The following STK3 variants were observed in gnomAD, a reference collection of about 807,000 sequenced individuals.
STK3 encodes serine/threonine kinase 3.
A neutral mutation model predicts 58.0 loss-of-function variants in STK3; 41 were observed. The observed-to-expected ratio is 0.71, with a 90% CI of 0.55 to 0.92. The LOEUF is 0.92. Among genes scored for constraint, STK3 ranks in the 40% least tolerant of loss-of-function variants. The pLI, the probability that STK3 is intolerant of heterozygous loss-of-function variation, is 0.00. For synonymous variants in STK3, 170 were observed against 191.0 expected (o/e 0.89, Z 0.91); for missense variants, 479 against 602.7 (o/e 0.79, Z 2.15).
chr8:98,902,583 A>G, intron 1 of STK3, among the ~76,000 whole-genome samples: 1 of 152,076 alleles, frequency 6.6e-6, no homozygotes, highest in East Asian at 1.9e-4. Context: ...CTCCTCTACA[A>G]TATTTCTTGT....
chr8:98,402,063 C>G (rs2131027428), intron 3 of STK3, among the ~76,000 whole-genome samples: 1 of 152,312 alleles, frequency 6.6e-6, no homozygotes, highest in South Asian at 2.1e-4. Flanking sequence ...TAAGATTATA[C>G]TATCCTTGCT....
intron 10 of STK3, among the ~76,000 whole-genome samples, chr8:98,481,728 A>C (rs549424761): frequency 2.4e-4 from 36 of 152,256 alleles, no homozygotes; most frequent in Admixed American, 2.4e-3. Flanking sequence ...ATTGAAAAAA[A>C]AAAAAAAAAC....
intron 3 of STK3, chr8:98,413,442 G>C (rs1818077848): frequency 8.6e-6 from 5 of 578,924 alleles, no homozygotes; most frequent in Non-Finnish European, 1.7e-5. Context: ...GGGGTCCAGA[G>C]TCTTGTGTAC....
chr8:98,646,151 T>C (rs1009599933), intron 6 of STK3, among the ~76,000 whole-genome samples: 4 of 152,184 alleles, frequency 2.6e-5, no homozygotes, highest in African/African-American at 9.7e-5. Flanking sequence ...ATGACTAAAC[T>C]CTTCAAGGTT....
intron 9 of STK3, among the ~76,000 whole-genome samples, chr8:98,541,284 A>G (rs2131554085): frequency 6.6e-6 from 1 of 152,196 alleles, no homozygotes; most frequent in East Asian, 1.9e-4. Flanking sequence ...GGTAGTTTCT[A>G]ACGGTTTAGC....
At chr8:98,595,925 T>A in intron 7 of STK3, 107 bp downstream of exon 7, 1 of 1,289,370 alleles carries the variant, frequency 7.8e-7, no homozygotes, top group Non-Finnish European at 1.0e-6. Context: ...GGAGGGGAGG[T>A]TTACATCTTT....
intron 4 of STK3, among the ~76,000 whole-genome samples, chr8:98,738,236 A>G (rs1159682057): frequency 1.3e-5 from 2 of 152,136 alleles, no homozygotes; most frequent in Admixed American, 6.6e-5. Context: ...TCAACACTTT[A>G]GATGACCGGG....
At chr8:98,702,577 CAAA>C (rs1825701836) in intron 6 of STK3, among the ~76,000 whole-genome samples, 1 of 152,182 alleles carries the variant, frequency 6.6e-6, no homozygotes, top group South Asian at 2.1e-4. Flanking sequence ...TACTACTTTA[CAAA>C]CAGGCCTGGT....
chr8:98,659,746 CAA>C (rs1268537519), intron 6 of STK3, among the ~76,000 whole-genome samples: 1 of 151,782 alleles, frequency 6.6e-6, no homozygotes, highest in African/African-American at 2.4e-5. Flanking sequence ...TAAAATAACT[CAA>C]AGTTTTCTAG....
At chr8:98,737,475 C>T (rs995674035) in intron 4 of STK3, among the ~76,000 whole-genome samples, 2 of 152,020 alleles carry the variant, frequency 1.3e-5, no homozygotes, top group African/African-American at 4.8e-5. Flanking sequence ...AAAAAAGGTA[C>T]ATGAATAGAA....
At chr8:98,496,215 T>C (rs1823124445) in intron 10 of STK3, among the ~76,000 whole-genome samples, 2 of 152,166 alleles carry the variant, frequency 1.3e-5, no homozygotes, top group African/African-American at 4.8e-5. Flanking sequence ...AAATACAATG[T>C]TGTAAAACTA....
intron 1 of STK3, among the ~76,000 whole-genome samples, chr8:98,934,874 G>A (rs942676422): frequency 1.3e-5 from 2 of 151,364 alleles, no homozygotes; most frequent in African/African-American, 4.8e-5. Flanking sequence ...CTGAGATTGT[G>A]CCACTGCACT....
chr8:98,379,558 C>T (rs964581817), intron 1 of STK3, among the ~76,000 whole-genome samples: 14 of 152,182 alleles, frequency 9.2e-5, no homozygotes, highest in Non-Finnish European at 1.9e-4. Context: ...GAATCCTCCC[C>T]AACCCCACTC....
intron 1 of STK3, among the ~76,000 whole-genome samples, chr8:98,789,864 T>C (rs1360072949): frequency 2.0e-5 from 3 of 151,842 alleles, no homozygotes; most frequent in Non-Finnish European, 4.4e-5. Context: ...CTGTCTCTAC[T>C]TAAAATAGAA....
At chr8:98,775,774 T>C (rs958895323) in intron 1 of STK3, among the ~76,000 whole-genome samples, 1 of 152,032 alleles carries the variant, frequency 6.6e-6, no homozygotes, top group Non-Finnish European at 1.5e-5. Context: ...TAATGAAAAA[T>C]TTTTCTTAAT....
intron 6 of STK3, among the ~76,000 whole-genome samples, chr8:98,610,267 T>C (rs923415176): frequency 1.3e-5 from 2 of 152,162 alleles, no homozygotes; most frequent in Non-Finnish European, 2.9e-5. Flanking sequence ...TAATGTAACT[T>C]AGTATAATTT....
At chr8:98,940,291 CT>C (rs1840361282) in intron 1 of STK3, among the ~76,000 whole-genome samples, 1 of 152,212 alleles carries the variant, frequency 6.6e-6, no homozygotes, top group Non-Finnish European at 1.5e-5. Context: ...TGACGGTGGC[CT>C]GGGTGGCCTT....
chr8:98,891,660 C>T (rs1423723362), intron 1 of STK3, among the ~76,000 whole-genome samples: 2 of 148,490 alleles, frequency 1.3e-5, no homozygotes, highest in Non-Finnish European at 2.9e-5. Flanking sequence ...ATACACAGTG[C>T]TTAGATATAA....
At chr8:98,787,724 C>G (rs1241633533) in intron 1 of STK3, among the ~76,000 whole-genome samples, 1 of 152,206 alleles carries the variant, frequency 6.6e-6, no homozygotes, top group Admixed American at 6.5e-5. Flanking sequence ...ATCAGATTAG[C>G]AGCAGATTTC....
Sources: allele counts gnomAD v4.1 joint callset (sites outside exome capture counted in the v4.1 genomes callset), GRCh38; gene constraint gnomAD v4.1.1; transcripts MANE v1.5; gene names NCBI Gene and HGNC (gene_info 2026-07-23, HGNC 2026-07-21).